The following VWA3A variants were observed in gnomAD, a reference collection of about 807,000 sequenced individuals.
VWA3A encodes the protein von Willebrand factor A domain-containing protein 3A.
In VWA3A, 134 loss-of-function variants were observed where a neutral mutation model predicts 160.4. The ratio of observed to expected loss-of-function variants is 0.84; its 90% CI spans 0.73 to 0.96. The LOEUF is 0.96. VWA3A is among the 40% of genes least tolerant of loss of function. The pLI, the probability that VWA3A is intolerant of heterozygous loss-of-function variation, is 0.00. For synonymous variants in VWA3A, 476 were observed against 543.4 expected (o/e 0.88, Z 1.72); for missense variants, 1,310 against 1,447.9 (o/e 0.90, Z 1.55).
At chr16:22,151,831 C>G (rs1055893102) in intron 30 of VWA3A, among the ~76,000 whole-genome samples, 2 of 152,014 alleles carry the variant, frequency 1.3e-5, no homozygotes, top group African/African-American at 4.8e-5. Flanking sequence ...ATCTCTTGGT[C>G]TAAACCATGA....
rs371724791 is a variant in VWA3A at position 22,148,168 on chromosome 16, G to A, written c.2846G>A (p.Arg949His). Residue 949 changes from arginine to histidine, a missense_variant, in exon 28 of 34, where the codon CGC becomes CAC. Arg to His is a conservative substitution (Grantham distance 29). Transcript: ENST00000389398. Reference sequence around the variant, plus strand: ...CCCACCTGTCTCGGAGCAGGGAGCCGCCGACTGTTTGGCACCGTTTTGGAG... The same window carrying A: ...CCCACCTGTCTCGGAGCAGGGAGCCACCGACTGTTTGGCACCGTTTTGGAG... ...QRLQWLLSGSRRLFGTVLESK... is the reference protein window; with the variant it reads ...QRLQWLLSGSHRLFGTVLESK... The A allele has an allele frequency of 6.9e-5, 110 of 1,598,952 alleles. No homozygotes were observed. Among genetic ancestry groups the A allele is most frequent in the Non-Finnish European group, 8.4e-5 (98 of 1,173,020 alleles).
chr16:22,141,762 C>T lies in VWA3A; in HGVS notation c.2494+70C>T, dbSNP rs953565727. On this transcript the variant is annotated intron_variant, in intron 24 of 33. Transcript: ENST00000389398. ...GGGGGAGCTGTAAGGGCAGCAGGTA[C>T]CGTGGGAAGGAGACCCCTCCTGCTG... 5 of 1,385,146 alleles carry T rather than the reference C, an allele frequency of 3.6e-6. No homozygotes were observed. In the Admixed American group the frequency reaches 6.1e-5, roughly 17 times the overall value. 85.8% of individuals were successfully genotyped at this position (1,385,146 alleles called of 1,614,324 possible). A position where few individuals can be genotyped will look rare whatever the true frequency, so the allele number is the denominator to read the frequency against.
rs576993483 is a variant in VWA3A, at chr16:22,098,183, G to A, written c.225+488G>A. On this transcript the variant is annotated intron_variant, in intron 3 of 33. Coordinates refer to ENST00000389398, the MANE Select transcript of VWA3A (RefSeq NM_173615.5). ...TAGAACTCAGAATTCATTCTACCAG[G>A]GACACAGTGGCAATCAGTGGTTGCC... 8.5e-5 allele frequency among the ~76,000 whole-genome samples: 13 copies of A among 152,222 alleles called. No homozygotes were observed. In the East Asian group the frequency reaches 2.5e-3, roughly 29 times the overall value.
intron 17 of VWA3A, among the ~76,000 whole-genome samples, chr16:22,129,048 A>G (rs1329312944): frequency 1.3e-5 from 2 of 152,084 alleles, no homozygotes; most frequent in African/African-American, 4.8e-5. Context: ...CCTATATAAC[A>G]AACCTGCACA....
At chr16:22,142,793 C>A in intron 25 of VWA3A, 28 bp downstream of exon 25, 3 of 1,487,318 alleles carry the variant, frequency 2.0e-6, no homozygotes, top group Non-Finnish European at 2.8e-6. Flanking sequence ...CTAGCACATG[C>A]CCATTAAGCA....
At chr16:22,120,853 C>A in intron 12 of VWA3A, 115 bp from the exon 13 acceptor site, 3 of 1,308,294 alleles carry the variant, frequency 2.3e-6, no homozygotes, top group South Asian at 3.0e-5. Flanking sequence ...TGCCTTTAAT[C>A]TACCAGGGAG....
chr16:22,148,139 C>A, intron 27 of VWA3A, 23 bp from the exon 28 acceptor site: 1 of 1,582,010 alleles, frequency 6.3e-7, no homozygotes. Flanking sequence ...CTCCCTGCCT[C>A]TTCCCCACCT....
intron 27 of VWA3A, chr16:22,147,668 G>C (rs2046277617): frequency 1.4e-6 from 1 of 702,782 alleles, no homozygotes; most frequent in East Asian, 2.7e-5. Flanking sequence ...CAGAGGCTGA[G>C]CTGGGACAGA....
chr16:22,147,188 T>C (rs1005438635), intron 27 of VWA3A, among the ~76,000 whole-genome samples: 2 of 151,994 alleles, frequency 1.3e-5, no homozygotes, highest in Non-Finnish European at 2.9e-5. Flanking sequence ...ATGCCCAGCT[T>C]ACTTTATTTA....
At chr16:22,125,808 T>C (rs1404820553) in intron 16 of VWA3A, among the ~76,000 whole-genome samples, 2 of 152,220 alleles carry the variant, frequency 1.3e-5, no homozygotes, top group African/African-American at 4.8e-5. Flanking sequence ...CAGAGAGGAT[T>C]TGTGACTTGC....
Position 22,126,261 on chromosome 16 carries a change from AG to A in VWA3A, c.1617del (p.Glu539AspfsTer28), listed in dbSNP as rs746322888. Reference protein sequence around the residue: ...IQHSLRLLLEEQLSNKDCFNL... With the variant: ...IQHSLRLLLEXQLSNKDCFNL... The stretch of plus-strand genomic sequence containing the variant: ...CACTCCCTGCGGCTGCTGCTGGAGG[AG>A]CAGTTATCCAACAAGGACTGTTTCA... On this transcript the variant is annotated frameshift_variant, in exon 17 of 34. Transcript: ENST00000389398. LOFTEE classifies it high-confidence loss of function. 23 of 1,613,900 alleles carry A rather than the reference AG, an allele frequency of 1.4e-5. No individual in the cohort carries two copies. Among genetic ancestry groups the A allele is most frequent in the African/African-American group, 2.7e-5 (2 of 74,996 alleles).
At chr16:22,135,469 AG>A (rs2046023200) in intron 21 of VWA3A, among the ~76,000 whole-genome samples, 1 of 152,154 alleles carries the variant, frequency 6.6e-6, no homozygotes, top group Non-Finnish European at 1.5e-5. Flanking sequence ...TTTCTATGTA[AG>A]GCCACATGCA....
chr16:22,131,474 A>G (rs2045946671), intron 18 of VWA3A, 111 bp from the exon 19 acceptor site: 1 of 1,518,714 alleles, frequency 6.6e-7, no homozygotes, highest in African/African-American at 1.4e-5. Context: ...TATGAGAGTG[A>G]TGACATCGAC....
rs1216316736 is a variant in VWA3A at position 22,152,745 on chromosome 16, C to T, written c.3405+111C>T. 7 of 1,469,306 alleles carry T rather than the reference C, an allele frequency of 4.8e-6. No individual in the cohort carries two copies. In the Admixed American group the frequency reaches 6.7e-5, roughly 14 times the overall value. The allele number at this position is 1,469,306 out of a possible 1,614,324, so 91.0% of individuals were successfully genotyped here. ...CTGGGCTCAAGTGAACCTCCCACCT[C>T]GGCCTCCCAAAATGTTGGGATTACA... On this transcript the variant is annotated intron_variant, in intron 31 of 33. Coordinates refer to ENST00000389398, the MANE Select transcript of VWA3A (RefSeq NM_173615.5).
Position 22,131,674 on chromosome 16 carries a change from A to G in VWA3A, c.1817A>G (p.Lys606Arg). ...AVEVDFKDKD[K>R]HQSQGIYLFT... ...GAAGTAGACTTCAAGGACAAAGACAAACACCAATCGCAGGGAATCTACCTC... is the reference window on the plus strand; with the variant it reads ...GAAGTAGACTTCAAGGACAAAGACAGACACCAATCGCAGGGAATCTACCTC... Residue 606 changes from lysine (K) to arginine (R), a missense_variant, in exon 19 of 34, where the codon AAA becomes AGA. Transcript: ENST00000389398. 6.2e-7 allele frequency: 1 copy of G among 1,614,000 alleles called. No homozygotes were observed. Among genetic ancestry groups the G allele is most frequent in the Non-Finnish European group, 8.5e-7 (1 of 1,179,888 alleles).
At chr16:22,151,258 C>G (rs1401869460) in intron 30 of VWA3A, among the ~76,000 whole-genome samples, 2 of 140,350 alleles carry the variant, frequency 1.4e-5, no homozygotes, top group African/African-American at 5.3e-5. Flanking sequence ...CTAGCCTGGG[C>G]AACAGAGTGA....
intron 1 of VWA3A, among the ~76,000 whole-genome samples, chr16:22,093,491 A>G (rs1247650078): frequency 2.0e-5 from 3 of 152,098 alleles, no homozygotes; most frequent in South Asian, 4.1e-4. Context: ...GTTCATGTCT[A>G]TCTCCCCAGC....
intron 8 of VWA3A, among the ~76,000 whole-genome samples, chr16:22,114,789 CCTAT>C (rs2045606382): frequency 6.6e-6 from 1 of 151,434 alleles, no homozygotes; most frequent in Non-Finnish European, 1.5e-5. Flanking sequence ...CAGTGAGACC[CCTAT>C]CTCTCTATTT....
chr16:22,121,242 A>G, intron 13 of VWA3A, 139 bp downstream of exon 13: 1 of 1,294,588 alleles, frequency 7.7e-7, no homozygotes, highest in Admixed American at 2.1e-5. Context: ...GGCCAGGGAT[A>G]TGAGACCAAC....
Sources: allele counts gnomAD v4.1 joint callset (sites outside exome capture counted in the v4.1 genomes callset), GRCh38; gene constraint gnomAD v4.1.1; transcripts MANE v1.5; gene names NCBI Gene and HGNC (gene_info 2026-07-23, HGNC 2026-07-21).